ELFN1: variants seen among roughly 807,000 people sequenced by gnomAD.
ELFN1 encodes the protein protein ELFN1.
Under a neutral mutation model 7.6 loss-of-function variants are expected in ELFN1, and 6 were observed. That is an observed-to-expected ratio of 0.79 (90% CI 0.43 to 1.56). The LOEUF (loss-of-function observed/expected upper bound fraction) is 1.56, where lower values mean the gene tolerates loss of function less well. Among genes scored for constraint, ELFN1 ranks in the 40% most tolerant of loss-of-function variants. ELFN1 has a pLI of 0.01. For missense variants in ELFN1, 1,169 were observed against 1,232.2 expected (o/e 0.95, Z 0.77); for synonymous variants, 657 against 588.1 (o/e 1.12, Z -1.70).
At chr7:1,690,060 A>C (rs114616926) in intron 2 of ELFN1, among the ~76,000 whole-genome samples, 2,583 of 152,260 alleles carry the variant, frequency 0.017, 74 homozygotes, top group African/African-American at 0.059. Context: ...GGGGTGGATG[A>C]ATGTATACAT....
intron 3 of ELFN1, among the ~76,000 whole-genome samples, chr7:1,741,567 T>C (rs1780614875): frequency 1.3e-5 from 2 of 151,382 alleles, no homozygotes; most frequent in African/African-American, 2.4e-5. Context: ...ATACTCACAA[T>C]GGGGGGAGTG....
Position 1,746,456 on chromosome 7 carries a change from C to T in ELFN1, c.1860C>T (p.Phe620=), listed in dbSNP as rs940525931. ...TGGCGCCCGGGTACAAGGACGCCTT[C>T]GGCCACAGCCTGCAGCGGCACCACA... is the stretch of plus-strand genomic sequence containing the variant. ...GFLAPGYKDA[F]GHSLQRHHSV... is the part of the protein sequence containing the mutation. The change falls in exon 4 of 4, where the codon TTC becomes TTT. Residue 620 remains phenylalanine, a synonymous_variant. Coordinates refer to ENST00000424383, the MANE Select transcript of ELFN1 (RefSeq NM_001128636.4). The T allele has an allele frequency of 6.6e-6, 10 of 1,525,854 alleles. No homozygotes were observed. Among genetic ancestry groups the T allele is most frequent in the Middle Eastern group, 2.1e-4 (1 of 4,784 alleles). 94.5% of individuals were successfully genotyped at this position (1,525,854 alleles called of 1,614,324 possible).
chr7:1,713,748 G>C (rs1279999384), intron 3 of ELFN1, among the ~76,000 whole-genome samples: 1 of 152,148 alleles, frequency 6.6e-6, no homozygotes, highest in African/African-American at 2.4e-5. Context: ...TCCCTCTCTG[G>C]GGAGGGGGGG....
chr7:1,745,288 T>C lies in ELFN1; in HGVS notation c.692T>C (p.Leu231Pro). Residue 231 changes from leucine to proline, a missense_variant, in exon 4 of 4, where the codon CTC becomes CCC. Physicochemically the swap from Leu to Pro is moderately conservative, Grantham distance 98. Transcript: ENST00000424383. Reference protein sequence around the residue: ...ESPPVYSGYYLLGQGRRGHRS... With the variant: ...ESPPVYSGYYPLGQGRRGHRS... Reference sequence around the variant, plus strand: ...CCGCCCGTCTACTCCGGCTACTACCTCCTGGGCCAGGGCCGCCGCGGCCAC... The same window carrying C: ...CCGCCCGTCTACTCCGGCTACTACCCCCTGGGCCAGGGCCGCCGCGGCCAC... 1 of 1,538,602 alleles carries C rather than the reference T, an allele frequency of 6.5e-7. No homozygotes were observed. The highest frequency in any genetic ancestry group is 8.7e-7 in the Non-Finnish European group (1 of 1,146,804).
Position 1,745,466 on chromosome 7 carries a change from C to A in ELFN1, c.870C>A (p.Ala290=). ...CGGAGCCCAGTGACATGCCCTGTGC[C>A]GATGATGAGTGCTTCTCCGGGGACG... The part of the protein sequence containing the change: ...PPPEPSDMPC[A]DDECFSGDGT... The change falls in exon 4 of 4, where the codon GCC becomes GCA. Residue 290 remains alanine, a synonymous_variant. Transcript: ENST00000424383. 1 of 1,541,762 alleles carries A rather than the reference C, an allele frequency of 6.5e-7. No homozygotes were observed. The highest frequency in any genetic ancestry group is 8.7e-7 in the Non-Finnish European group (1 of 1,146,688).
In ELFN1 at chr7:1,726,224, G is replaced by A. The variant is rs968073636; in HGVS notation, c.-294+16972G>A. Reference sequence around the variant, plus strand: ...GGCCACCGCACCCAAGCTCTGTCCCGGCCACTATGCTGGGATGGGGACATG... The same window carrying A: ...GGCCACCGCACCCAAGCTCTGTCCCAGCCACTATGCTGGGATGGGGACATG... On this transcript the variant is annotated intron_variant, in intron 3 of 3. Coordinates refer to ENST00000424383, the MANE Select transcript of ELFN1 (RefSeq NM_001128636.4). Among the ~76,000 whole-genome samples, 12 of 152,048 alleles carry A rather than the reference G, an allele frequency of 7.9e-5. No individual in the cohort carries two copies. In the East Asian group the frequency reaches 1.7e-3, roughly 22 times the overall value.
At chr7:1,725,539 A>C (rs1398831194) in intron 3 of ELFN1, among the ~76,000 whole-genome samples, 1 of 152,156 alleles carries the variant, frequency 6.6e-6, no homozygotes, top group Non-Finnish European at 1.5e-5. Context: ...GCTGCCTCTC[A>C]TTGACTAAGT....
In ELFN1 at chr7:1,695,037, C is replaced by T. The variant is rs904729544; in HGVS notation, c.-456+6887C>T. On this transcript the variant is annotated intron_variant, in intron 2 of 3. Transcript: ENST00000424383. This position sits in a 1 kb window ranked among gnomAD's most constrained non-coding sequence, Gnocchi z 5.1. The stretch of plus-strand genomic sequence containing the variant: ...GCAGAGGGGCGTCGGGCGTCGTGCA[C>T]ATGTGCCCATCCCCCTCACTTTGAG... 3.3e-5 allele frequency among the ~76,000 whole-genome samples: 5 copies of T among 152,194 alleles called. No homozygotes were observed. The highest frequency in any genetic ancestry group is 1.2e-4 in the African/African-American group (5 of 41,472).
intron 3 of ELFN1, among the ~76,000 whole-genome samples, chr7:1,729,600 C>T (rs1233757441): frequency 1.3e-5 from 2 of 152,216 alleles, no homozygotes; most frequent in African/African-American, 4.8e-5. Flanking sequence ...TTCGCTTCTA[C>T]CAGCGCCTTG....
At chr7:1,699,464 C>A (rs1372027343) in intron 2 of ELFN1, among the ~76,000 whole-genome samples, 1 of 151,946 alleles carries the variant, frequency 6.6e-6, no homozygotes, top group Admixed American at 6.6e-5. Flanking sequence ...ATAGTGAGAC[C>A]CTGTCTCTAA....
intron 3 of ELFN1, among the ~76,000 whole-genome samples, chr7:1,738,086 C>T (rs769223414): frequency 6.6e-5 from 10 of 152,354 alleles, no homozygotes; most frequent in Non-Finnish European, 1.0e-4. Context: ...TGAGTGAACG[C>T]AGCGGTTCTG....
rs1176486991 is a variant in ELFN1 at position 1,747,563 on chromosome 7, TCTC to T, written c.*484_*486del. ...GGCCACCTCGGGGCCCCTCACGTGA[TCTC>T]CTCGGTCCGTGGTTTTCTGTGGATT... is the stretch of plus-strand genomic sequence containing the variant. On this transcript the variant is annotated 3_prime_UTR_variant, in exon 4 of 4. Coordinates refer to ENST00000424383, the MANE Select transcript of ELFN1 (RefSeq NM_001128636.4). 2 of 165,858 alleles carry T rather than the reference TCTC, an allele frequency of 1.2e-5. No individual in the cohort carries two copies. Among genetic ancestry groups the T allele is most frequent in the Non-Finnish European group, 2.9e-5 (2 of 68,148 alleles). The allele number at this position is 165,858 out of a possible 1,614,324, so 10.3% of individuals were successfully genotyped here.
intron 3 of ELFN1, chr7:1,742,225 T>A (rs1780643306): frequency 6.6e-6 from 1 of 152,238 alleles, no homozygotes; most frequent in African/African-American, 2.4e-5. Context: ...TTTGGGTTAT[T>A]TTGAGCAAGA....
At chr7:1,668,335 C>T (rs967618252), upstream of ELFN1, among the ~76,000 whole-genome samples, 1 of 152,248 alleles carries the variant, frequency 6.6e-6, no homozygotes, top group Non-Finnish European at 1.5e-5. Context: ...AGGCGCCCAG[C>T]ACAGCGCAGG....
intron 3 of ELFN1, among the ~76,000 whole-genome samples, chr7:1,718,845 C>G (rs1779914646): frequency 6.6e-6 from 1 of 152,198 alleles, no homozygotes; most frequent in Admixed American, 6.5e-5. Context: ...TGTGACCTCT[C>G]TGGCATCCTA....
intron 1 of ELFN1, among the ~76,000 whole-genome samples, chr7:1,681,407 G>T (rs906646605): frequency 1.3e-5 from 2 of 152,108 alleles, no homozygotes; most frequent in African/African-American, 4.8e-5. Flanking sequence ...CTGTCACCCA[G>T]GCTGGAGTGC....
intron 3 of ELFN1, among the ~76,000 whole-genome samples, chr7:1,717,014 A>T (rs923719524): frequency 3.3e-5 from 5 of 152,132 alleles, no homozygotes; most frequent in African/African-American, 1.2e-4. Context: ...GAGCTCAAGG[A>T]GCTGCTTCTC....
In ELFN1 at chr7:1,745,932, CAGG is replaced by C. The variant is rs1478711087; in HGVS notation, c.1342_1344del (p.Glu448del). ...CTACTGCCTGCGCAGGCGGCGGCGC[CAGG>C]AGGAGAAGCACAAGAAGGCCGCCTC... is the stretch of plus-strand genomic sequence containing the variant. On this transcript the variant is annotated inframe_deletion, in exon 4 of 4. Transcript: ENST00000424383. 16 of 1,562,314 alleles carry C rather than the reference CAGG, an allele frequency of 1.0e-5. No homozygotes were observed. The highest frequency in any genetic ancestry group is 1.3e-5 in the Non-Finnish European group (15 of 1,155,422).
rs1206191418 is a variant in ELFN1, at chr7:1,746,565, G to T, written c.1969G>T (p.Val657Phe). The T allele has an allele frequency of 2.2e-6, 3 of 1,358,666 alleles. No individual in the cohort carries two copies. The highest frequency in any genetic ancestry group is 2.8e-6 in the Non-Finnish European group (3 of 1,061,604). The allele number at this position is 1,358,666 out of a possible 1,614,324, so 84.2% of individuals were successfully genotyped here. Reference sequence around the variant, plus strand: ...CCCCCGCGCCTTCCGAGCCGAGGCCGTCGGGGTGCACAAGGCCGCGGCCGC... The same window carrying T: ...CCCCCGCGCCTTCCGAGCCGAGGCCTTCGGGGTGCACAAGGCCGCGGCCGC... Reference protein sequence around the residue: ...RSPRAFRAEAVGVHKAAAAEA... With the variant: ...RSPRAFRAEAFGVHKAAAAEA... Residue 657 changes from valine to phenylalanine, a missense_variant, in exon 4 of 4, where the codon GTC (valine) becomes TTC (phenylalanine). Coordinates refer to ENST00000424383, the MANE Select transcript of ELFN1 (RefSeq NM_001128636.4).
Sources: gnomAD v4.1 joint callset for allele counts (sites outside exome capture counted in the v4.1 genomes callset) on GRCh38, gnomAD v4.1.1 for gene constraint, Gnocchi (gnomAD v3.1) non-coding constraint, MANE v1.5 for transcripts, NCBI Gene and HGNC (gene_info 2026-07-23, HGNC 2026-07-21) for gene names.